The following SIPA1L3 variants were observed in gnomAD, a reference collection of about 807,000 sequenced individuals.
The protein encoded by SIPA1L3 is signal-induced proliferation-associated 1-like protein 3.
SIPA1L3 carries 59 observed loss-of-function variants against 150.1 expected under a neutral mutation model. The observed-to-expected ratio is 0.39, with a 90% CI of 0.32 to 0.49. SIPA1L3 has a LOEUF of 0.49. SIPA1L3 is among the 20% of genes least tolerant of loss of function. The probability of loss-of-function intolerance (pLI) is 0.86; values close to 1 mark genes in which losing one functional copy is unlikely to be tolerated. For synonymous variants in SIPA1L3, 1,070 were observed against 1,077.6 expected (o/e 0.99, Z 0.14); for missense variants, 2,211 against 2,489.5 (o/e 0.89, Z 2.38).
intron 8 of SIPA1L3, among the ~76,000 whole-genome samples, chr19:38,117,735 T>C (rs1204588578): frequency 6.6e-6 from 1 of 152,152 alleles, no homozygotes; most frequent in East Asian, 1.9e-4. Context: ...CTCCATAGTT[T>C]AAATAGTGGG....
chr19:38,000,476 CA>C (rs931671031), intron 1 of SIPA1L3, among the ~76,000 whole-genome samples: 565 of 44,048 alleles, frequency 0.013, no homozygotes, highest in Admixed American at 0.014. Context: ...GACTCTGTCT[CA>C]AAAAAAAAAA....
chr19:38,140,829 G>A (rs966608108), intron 10 of SIPA1L3, among the ~76,000 whole-genome samples: 7 of 152,030 alleles, frequency 4.6e-5, no homozygotes, highest in East Asian at 1.9e-4. Context: ...AGGCTGAGGC[G>A]GGTGGATAAC....
At chr19:38,191,842 AG>A (rs1267219212) in intron 16 of SIPA1L3, among the ~76,000 whole-genome samples, 2 of 152,064 alleles carry the variant, frequency 1.3e-5, no homozygotes, top group Non-Finnish European at 2.9e-5. Flanking sequence ...CCCCTCACAC[AG>A]GGGGTCTGTC....
At chr19:38,071,667 G>A (rs1435820951) in intron 2 of SIPA1L3, among the ~76,000 whole-genome samples, 1 of 152,178 alleles carries the variant, frequency 6.6e-6, no homozygotes, top group African/African-American at 2.4e-5. Flanking sequence ...GTTCAACCCT[G>A]TCTCCTTCCT....
At position 38,206,362 on chromosome 19, in the gene SIPA1L3, T is replaced by C; in HGVS notation, c.*122T>C. The C allele has an allele frequency of 8.2e-7, 1 of 1,218,266 alleles. No individual in the cohort carries two copies. 75.5% of individuals were successfully genotyped at this position (1,218,266 alleles called of 1,614,324 possible). On this transcript the variant is annotated 3_prime_UTR_variant, in exon 22 of 22. Coordinates refer to ENST00000222345, the MANE Select transcript of SIPA1L3 (RefSeq NM_015073.3). ...GATGACCCATCCAGGGCCCTCCCCA[T>C]GGACACGGAAACTCCGATGGCCTCA...
At chr19:37,942,421 G>A (rs2046667976) in intron 1 of SIPA1L3, among the ~76,000 whole-genome samples, 1 of 151,254 alleles carries the variant, frequency 6.6e-6, no homozygotes, top group East Asian at 1.9e-4. Context: ...AAAGGTGCCA[G>A]CCTTGTGAAA....
chr19:37,923,407 C>A (rs1007109240), intron 1 of SIPA1L3, among the ~76,000 whole-genome samples: 1 of 152,162 alleles, frequency 6.6e-6, no homozygotes, highest in Non-Finnish European at 1.5e-5. Context: ...ATGTGACTGC[C>A]CTGAATTCTG....
At position 38,206,503 on chromosome 19, in the gene SIPA1L3, C is replaced by T. The variant is rs963465435; in HGVS notation, c.*263C>T. 33 of 404,864 alleles carry T rather than the reference C, an allele frequency of 8.2e-5. No individual in the cohort carries two copies. The highest frequency in any genetic ancestry group is 5.6e-4 in the African/African-American group (27 of 48,342). 25.1% of individuals were successfully genotyped at this position (404,864 alleles called of 1,614,324 possible). A position where few individuals can be genotyped will look rare whatever the true frequency, so the allele number is the denominator to read the frequency against. The stretch of plus-strand genomic sequence containing the variant: ...GTCCCGGTGAGCTGGGCTGTGCTTA[C>T]ACCGCTCCCGGGCCTGCCCCGCTGT... On this transcript the variant is annotated 3_prime_UTR_variant, in exon 22 of 22. Coordinates refer to ENST00000222345, the MANE Select transcript of SIPA1L3 (RefSeq NM_015073.3).
chr19:37,941,087 T>C (rs833927), intron 1 of SIPA1L3, among the ~76,000 whole-genome samples: 25,286 of 128,090 alleles, frequency 0.2, 2,719 homozygotes, highest in East Asian at 0.54. Flanking sequence ...CACACACACA[T>C]ACACACACAC....
At chr19:37,912,654 C>A (rs1476674851) in intron 1 of SIPA1L3, among the ~76,000 whole-genome samples, 2 of 152,102 alleles carry the variant, frequency 1.3e-5, no homozygotes, top group Non-Finnish European at 2.9e-5. Context: ...CACCACCACA[C>A]CCAGCTAATT....
intron 12 of SIPA1L3, among the ~76,000 whole-genome samples, chr19:38,144,726 A>G (rs534356380): frequency 3.3e-5 from 5 of 152,340 alleles, no homozygotes; most frequent in East Asian, 3.9e-4. Context: ...GAGATACTCA[A>G]TTACGAGGGG....
At chr19:38,027,583 CT>C (rs1190282798) in intron 1 of SIPA1L3, among the ~76,000 whole-genome samples, 1 of 152,092 alleles carries the variant, frequency 6.6e-6, no homozygotes, top group African/African-American at 2.4e-5. Context: ...TGCCAGCCCA[CT>C]GCCTTCATTG....
chr19:38,037,811 C>A (rs906170425), intron 2 of SIPA1L3, among the ~76,000 whole-genome samples: 6 of 152,092 alleles, frequency 3.9e-5, no homozygotes, highest in African/African-American at 1.4e-4. Flanking sequence ...AACGGCAACC[C>A]CCATTCATGC....
intron 10 of SIPA1L3, among the ~76,000 whole-genome samples, chr19:38,137,381 G>T (rs1971459045): frequency 1.3e-5 from 2 of 152,020 alleles, no homozygotes; most frequent in African/African-American, 4.8e-5. Flanking sequence ...TAGAGATGGG[G>T]TTTCACCATG....
intron 1 of SIPA1L3, among the ~76,000 whole-genome samples, chr19:37,929,199 T>TGGGGCTGGAGCCGGGGCC (rs1046917828): frequency 6.6e-6 from 1 of 152,050 alleles, no homozygotes; most frequent in African/African-American, 2.4e-5. Context: ...GGGCTGGGGC[T>TGGGGCTGGAGCCGGGGCC]GGGGCTGGAG....
At chr19:37,974,631 G>T (rs1375744429) in intron 1 of SIPA1L3, among the ~76,000 whole-genome samples, 3 of 152,206 alleles carry the variant, frequency 2.0e-5, no homozygotes, top group Non-Finnish European at 4.4e-5. Flanking sequence ...AGGCTTGACA[G>T]CCTGGACAGA....
intron 3 of SIPA1L3, among the ~76,000 whole-genome samples, chr19:38,087,261 G>A (rs1385239579): frequency 6.6e-6 from 1 of 152,216 alleles, no homozygotes; most frequent in African/African-American, 2.4e-5. Flanking sequence ...GATGGAAAAA[G>A]CAACAACCCC....
chr19:38,191,030 C>G (rs2146041626), intron 16 of SIPA1L3, among the ~76,000 whole-genome samples: 1 of 152,274 alleles, frequency 6.6e-6, no homozygotes, highest in Admixed American at 6.5e-5. Flanking sequence ...GGACAAGTGG[C>G]TAAACTCCTC....
chr19:38,197,346 C>G (rs950549697), intron 18 of SIPA1L3, among the ~76,000 whole-genome samples: 1 of 152,118 alleles, frequency 6.6e-6, no homozygotes, highest in Non-Finnish European at 1.5e-5. Flanking sequence ...GGCCAGAGCC[C>G]GAGCCTGGTG....
Sources: allele counts gnomAD v4.1 joint callset (sites outside exome capture counted in the v4.1 genomes callset), GRCh38; gene constraint gnomAD v4.1.1; transcripts MANE v1.5; gene names NCBI Gene and HGNC (gene_info 2026-07-23, HGNC 2026-07-21).